The following UBASH3A variants were observed in gnomAD, a reference collection of about 807,000 sequenced individuals.
UBASH3A encodes the protein ubiquitin-associated and SH3 domain-containing protein A.
UBASH3A carries 63 observed loss-of-function variants against 73.5 expected under a neutral mutation model. That is an observed-to-expected ratio of 0.86 (90% confidence interval 0.70 to 1.06). The LOEUF (loss-of-function observed/expected upper bound fraction) is 1.06, where lower values mean the gene tolerates loss of function less well. UBASH3A is among the 50% of genes least tolerant of loss of function. UBASH3A has a pLI of 0.00. For missense variants in UBASH3A, 860 were observed against 859.0 expected (o/e 1.00, Z -0.02); for synonymous variants, 363 against 351.1 (o/e 1.03, Z -0.38).
At chr21:42,446,617 C>A (rs1371729193) in intron 14 of UBASH3A, among the ~76,000 whole-genome samples, 2 of 152,260 alleles carry the variant, frequency 1.3e-5, no homozygotes, top group Non-Finnish European at 2.9e-5. Context: ...TAAAGGTTCA[C>A]TTTGTGCTTT....
At chr21:42,446,875 G>A (rs1188428666) in intron 14 of UBASH3A, among the ~76,000 whole-genome samples, 182 bp from the exon 15 acceptor site, 1 of 152,180 alleles carries the variant, frequency 6.6e-6, no homozygotes, top group African/African-American at 2.4e-5. Flanking sequence ...CCCTGGCTAG[G>A]GGACATCCCC....
chr21:42,423,294 G>A (rs554161093), intron 7 of UBASH3A, among the ~76,000 whole-genome samples: 6 of 152,336 alleles, frequency 3.9e-5, no homozygotes, highest in African/African-American at 1.2e-4. Context: ...GGGTCCAGGG[G>A]CCACATCAAA....
intron 6 of UBASH3A, among the ~76,000 whole-genome samples, chr21:42,417,316 C>T (rs374032849): frequency 1.4e-5 from 2 of 146,948 alleles, no homozygotes; most frequent in African/African-American, 5.0e-5. Context: ...CCCAGCTACT[C>T]GGGAGGCTGA....
At chr21:42,409,699 T>G in intron 3 of UBASH3A, 91 bp downstream of exon 3, 1 of 1,183,336 alleles carries the variant, frequency 8.5e-7, no homozygotes, top group Non-Finnish European at 1.2e-6. Context: ...GTTGACTTAT[T>G]TAAATGGGAT....
At chr21:42,434,139 T>TG (rs1389865712) in intron 9 of UBASH3A, among the ~76,000 whole-genome samples, 1 of 152,164 alleles carries the variant, frequency 6.6e-6, no homozygotes, top group Non-Finnish European at 1.5e-5. Flanking sequence ...CTCTGGGCTA[T>TG]GGGTGTTACC....
rs780015282 is a variant in UBASH3A at position 42,418,382 on chromosome 21, C to T, written c.838-19C>T. 7 of 1,602,164 alleles carry T rather than the reference C, an allele frequency of 4.4e-6. No individual in the cohort carries two copies. The highest frequency in any genetic ancestry group is 4.3e-6 in the Non-Finnish European group (5 of 1,169,842). The stretch of plus-strand genomic sequence containing the variant: ...TAAATCTTTGCTCGAGACGTGAAAC[C>T]CCTTTGCCTCTTTTCTAGACCCTGA... On this transcript the variant is annotated intron_variant, in intron 6 of 14. Transcript: ENST00000319294.
At position 42,413,078 on chromosome 21, in the gene UBASH3A, A is replaced by G; in HGVS notation, c.409A>G (p.Arg137Gly). 6.2e-7 allele frequency: 1 copy of G among 1,614,228 alleles called. No individual in the cohort carries two copies. The highest frequency in any genetic ancestry group is 8.5e-7 in the Non-Finnish European group (1 of 1,180,022). Residue 137 changes from arginine (R) to glycine (G), a missense_variant, in exon 4 of 15, where the codon AGG (arginine) becomes GGG (glycine). By Grantham distance (125) the Arg-to-Gly change is moderately radical. Coordinates refer to ENST00000319294, the MANE Select transcript of UBASH3A (RefSeq NM_018961.4). This position sits in a 1 kb window ranked among gnomAD's most constrained non-coding sequence, Gnocchi z 4.5. ...LYEALKRAGD[R>G]LLGSFPTAVP... ...CGAGGCGCTGAAGAGAGCTGGAGAC[A>G]GGCTCCTGGGCTCCTTCCCCACGGC...
intron 14 of UBASH3A, 54 bp downstream of exon 14, chr21:42,444,697 C>T: frequency 7.4e-7 from 1 of 1,351,980 alleles, no homozygotes; most frequent in Admixed American, 1.7e-5. Flanking sequence ...CCCGAAGACA[C>T]AGGTTTATCT....
intron 3 of UBASH3A, among the ~76,000 whole-genome samples, chr21:42,412,482 G>A (rs921710706): frequency 1.3e-5 from 2 of 152,188 alleles, no homozygotes; most frequent in East Asian, 1.9e-4. Context: ...GGCAAAAGAG[G>A]AGGAGAGGGT....
intron 12 of UBASH3A, 82 bp downstream of exon 12, chr21:42,442,678 A>G (rs2053768353): frequency 6.8e-7 from 1 of 1,465,640 alleles, no homozygotes; most frequent in Non-Finnish European, 9.3e-7. Flanking sequence ...TTAAAATGGT[A>G]AGAAAGACTT....
chr21:42,419,553 G>A (rs928105631), intron 7 of UBASH3A, among the ~76,000 whole-genome samples: 11 of 152,254 alleles, frequency 7.2e-5, no homozygotes, highest in South Asian at 2.1e-4. Context: ...AGTTCTCCCC[G>A]GAGGATTCAC....
At chr21:42,438,231 A>G (rs1375371764) in intron 11 of UBASH3A, among the ~76,000 whole-genome samples, 2 of 152,206 alleles carry the variant, frequency 1.3e-5, no homozygotes, top group Non-Finnish European at 2.9e-5. Flanking sequence ...TGTCGCCTCC[A>G]TGGTGACAAG....
At chr21:42,435,271 A>C (rs2053605447) in intron 10 of UBASH3A, 1 of 198,472 alleles carries the variant, frequency 5.0e-6, no homozygotes, top group South Asian at 1.6e-4. Flanking sequence ...TCACTTTTCA[A>C]ATGGAAAACC....
intron 12 of UBASH3A, among the ~76,000 whole-genome samples, chr21:42,442,851 A>G (rs2053771179): frequency 1.3e-5 from 2 of 152,094 alleles, no homozygotes; most frequent in African/African-American, 4.8e-5. Flanking sequence ...AACTGACCTA[A>G]ATGGAGACTC....
At position 42,404,422 on chromosome 21, in the gene UBASH3A, G is replaced by A. The variant is rs1034725003; in HGVS notation, c.113+364G>A. On this transcript the variant is annotated intron_variant, in intron 1 of 14. Coordinates refer to ENST00000319294, the MANE Select transcript of UBASH3A (RefSeq NM_018961.4). ...CTCATTAGCTATTATTAGTGTTAGCGTATTTTATGTGTGGCCCAGGGAGGC... is the reference window on the plus strand; with the variant it reads ...CTCATTAGCTATTATTAGTGTTAGCATATTTTATGTGTGGCCCAGGGAGGC... Among the ~76,000 whole-genome samples, 6 of 151,976 alleles carry A rather than the reference G, an allele frequency of 3.9e-5. No individual in the cohort carries two copies. The East Asian group carries it at 5.8e-4, about 15-fold the overall frequency.
chr21:42,417,501 C>CTT (rs975034145), intron 6 of UBASH3A: 24 of 144,344 alleles, frequency 1.7e-4, no homozygotes, highest in African/African-American at 5.6e-4. Flanking sequence ...CTTATTAATT[C>CTT]TTTTTTATTT....
intron 11 of UBASH3A, among the ~76,000 whole-genome samples, chr21:42,438,382 G>A (rs1893593): frequency 0.39 from 59,051 of 151,986 alleles, 13,290 homozygotes; most frequent in Non-Finnish European, 0.51. Flanking sequence ...TTTGGGGTGC[G>A]CCGAAGGAAT....
At chr21:42,427,604 A>T (rs1479239922) in intron 8 of UBASH3A, among the ~76,000 whole-genome samples, 1 of 152,152 alleles carries the variant, frequency 6.6e-6, no homozygotes, top group Non-Finnish European at 1.5e-5. Flanking sequence ...ACTGGGGCTC[A>T]TGGAGGCTAG....
At position 42,447,201 on chromosome 21, in the gene UBASH3A, C is replaced by G. The variant is rs375542966; in HGVS notation, c.*7C>G. 5.6e-6 allele frequency: 9 copies of G among 1,613,038 alleles called. No individual in the cohort carries two copies. The highest frequency in any genetic ancestry group is 6.8e-6 in the Non-Finnish European group (8 of 1,179,614). On this transcript the variant is annotated 3_prime_UTR_variant, in exon 15 of 15. Coordinates refer to ENST00000319294, the MANE Select transcript of UBASH3A (RefSeq NM_018961.4). ...CTGGATCTCAGGCAACTGAGAGCCACGGTGATGTTGTCATAACCTCAGAGT... is the reference window on the plus strand; with the variant it reads ...CTGGATCTCAGGCAACTGAGAGCCAGGGTGATGTTGTCATAACCTCAGAGT...
Sources: gnomAD v4.1 joint callset for allele counts (sites outside exome capture counted in the v4.1 genomes callset) on GRCh38, gnomAD v4.1.1 for gene constraint, Gnocchi (gnomAD v3.1) non-coding constraint, MANE v1.5 for transcripts, NCBI Gene and HGNC (gene_info 2026-07-23, HGNC 2026-07-21) for gene names.